Variants in SHC3 observed in about 807,000 individuals in gnomAD.
SHC3 encodes the protein SHC-transforming protein 3.
In SHC3, 15 loss-of-function variants were observed where a neutral mutation model predicts 60.4. The observed-to-expected ratio is 0.25, with a 90% CI of 0.17 to 0.38. SHC3 has a LOEUF of 0.38. Ranked by LOEUF, SHC3 falls within the 10% of genes least tolerant of loss-of-function variation. The pLI is 1.00. For missense variants in SHC3, 677 were observed against 786.1 expected, an observed-to-expected ratio of 0.86 and a Z score of 1.66; for synonymous variants, 294 against 325.9, an observed-to-expected ratio of 0.90 and a Z score of 1.05.
rs983797621 is a variant in SHC3, at chr9:89,108,540, T to C, written c.545+4016A>G. On this transcript the variant is annotated intron_variant, in intron 2 of 11. Coordinates refer to ENST00000375835, the MANE Select transcript of SHC3 (RefSeq NM_016848.6). ...CTGTCTCAAAAAAAATGCATATACA[T>C]ACACACACACACACACACACATACA... Among the ~76,000 whole-genome samples, 15 of 148,142 alleles carry C rather than the reference T, an allele frequency of 1.0e-4. No individual in the cohort carries two copies. The East Asian group carries it at 1.8e-3, about 18-fold the overall frequency.
In SHC3 at chr9:89,011,135, G is replaced by T. The variant is rs879392126; in HGVS notation, c.*2312C>A. 1.1e-4 allele frequency: 16 copies of T among 152,122 alleles called. No individual in the cohort carries two copies. Among genetic ancestry groups the T allele is most frequent in the Non-Finnish European group, 2.1e-4 (14 of 68,004 alleles). 9.4% of individuals were successfully genotyped at this position (152,122 alleles called of 1,614,324 possible). A position where few individuals can be genotyped will look rare whatever the true frequency, so the allele number is the denominator to read the frequency against. ...TTCTAGTGTAACCAATATATAATCT[G>T]AGCTTAAAAATGTATATTTTGAATT... is the stretch of plus-strand genomic sequence containing the variant. On this transcript the variant is annotated 3_prime_UTR_variant, in exon 12 of 12. Transcript: ENST00000375835.
chr9:89,114,084 T>C (rs1825988299), intron 1 of SHC3, among the ~76,000 whole-genome samples: 1 of 152,140 alleles, frequency 6.6e-6, no homozygotes, highest in South Asian at 2.1e-4. Context: ...ATACTACAAC[T>C]GACAACAGAG....
At chr9:89,031,113 C>T (rs953348559) in intron 11 of SHC3, among the ~76,000 whole-genome samples, 8 of 152,008 alleles carry the variant, frequency 5.3e-5, no homozygotes, top group African/African-American at 1.9e-4. Flanking sequence ...CTTGAACTCC[C>T]AGCCTCAAGT....
At chr9:89,072,589 G>A (rs1285295056) in intron 4 of SHC3, among the ~76,000 whole-genome samples, 9 of 152,132 alleles carry the variant, frequency 5.9e-5, no homozygotes, top group Admixed American at 1.3e-4. Flanking sequence ...AAACTGCAGC[G>A]TACAGTGGAA....
intron 1 of SHC3, among the ~76,000 whole-genome samples, chr9:89,143,860 T>C (rs1826430687): frequency 1.3e-5 from 2 of 152,234 alleles, no homozygotes; most frequent in African/African-American, 4.8e-5. Context: ...TCAAAACATA[T>C]ATCCCTCATT....
At chr9:89,039,041 A>G (rs1824631118) in intron 10 of SHC3, among the ~76,000 whole-genome samples, 2 of 152,254 alleles carry the variant, frequency 1.3e-5, no homozygotes, top group African/African-American at 4.8e-5. Flanking sequence ...ATGTCTAACT[A>G]AATCCCGATG....
At chr9:89,142,250 C>T (rs1046366067) in intron 1 of SHC3, among the ~76,000 whole-genome samples, 3 of 152,116 alleles carry the variant, frequency 2.0e-5, no homozygotes, top group African/African-American at 7.2e-5. Context: ...GTCGAGTTTC[C>T]TTGCCTTTTA....
At chr9:89,168,806 A>G (rs1426822211) in intron 1 of SHC3, among the ~76,000 whole-genome samples, 3 of 152,160 alleles carry the variant, frequency 2.0e-5, no homozygotes, top group Non-Finnish European at 4.4e-5. Context: ...GCCTTCCCCA[A>G]TTTGTGTGGC....
intron 1 of SHC3, among the ~76,000 whole-genome samples, chr9:89,141,324 C>T (rs1194612445): frequency 3.9e-5 from 6 of 152,140 alleles, no homozygotes; most frequent in East Asian, 1.9e-4. Context: ...TTCTATCCTA[C>T]GGTACCCTTC....
chr9:89,068,709 AT>A (rs937117986), intron 5 of SHC3, among the ~76,000 whole-genome samples: 1 of 151,894 alleles, frequency 6.6e-6, no homozygotes, highest in African/African-American at 2.4e-5. Context: ...GAAAAAAAAA[AT>A]GTATAGTCCT....
Position 89,045,757 on chromosome 9 carries a change from G to A in SHC3, c.1190C>T (p.Pro397Leu), listed in dbSNP as rs1310809998. The change falls in exon 9 of 12, where the codon CCT (proline) becomes CTT (leucine). Residue 397 changes from proline (P) to leucine (L), a missense_variant. Pro to Leu is a moderately conservative substitution (Grantham distance 98). Transcript: ENST00000375835. The stretch of plus-strand genomic sequence containing the variant: ...ACCTTGCCTCTCACCTTGCCTTAAA[G>A]GTGTTTGCTGCCAGTCTTCGCCAAA... ...DTFGEDWQQTPLRQGSSDIYS... is the reference protein window; with the variant it reads ...DTFGEDWQQTLLRQGSSDIYS... 1 of 1,614,062 alleles carries A rather than the reference G, an allele frequency of 6.2e-7. No homozygotes were observed. Among genetic ancestry groups the A allele is most frequent in the East Asian group, 2.2e-5 (1 of 44,884 alleles).
At chr9:89,142,628 A>T (rs1478569325) in intron 1 of SHC3, among the ~76,000 whole-genome samples, 1 of 149,270 alleles carries the variant, frequency 6.7e-6, no homozygotes, top group Non-Finnish European at 1.5e-5. Context: ...TTGCAGTGAG[A>T]TCGCACGACT....
Position 89,161,216 on chromosome 9 carries a change from G to A in SHC3, c.474+16771C>T, listed in dbSNP as rs116514717. Among the ~76,000 whole-genome samples the A allele has an allele frequency of 3.0e-3, 461 of 152,272 alleles. 4 individuals are homozygous for A. Among genetic ancestry groups the A allele is most frequent in the African/African-American group, 9.7e-3 (402 of 41,552 alleles). ...CATGGCAGCAGGTTTCTCATGAATG[G>A]TTTAGCACCACCCCCTTCATGCATC... is the stretch of plus-strand genomic sequence containing the variant. On this transcript the variant is annotated intron_variant, in intron 1 of 11. Transcript: ENST00000375835.
chr9:89,176,481 G>GGTCTATTT (rs1332789442), intron 1 of SHC3, among the ~76,000 whole-genome samples: 3 of 152,282 alleles, frequency 2.0e-5, no homozygotes, highest in Non-Finnish European at 4.4e-5. Context: ...GCTTTGCCAA[G>GGTCTATTT]GTCTATTTGT....
At chr9:89,146,590 G>A (rs1025712041) in intron 1 of SHC3, among the ~76,000 whole-genome samples, 2 of 152,206 alleles carry the variant, frequency 1.3e-5, no homozygotes, top group African/African-American at 2.4e-5. Context: ...CCTAGAAGGT[G>A]GGGTGAACAT....
intron 6 of SHC3, among the ~76,000 whole-genome samples, chr9:89,063,003 A>G (rs796348685): frequency 6.6e-6 from 1 of 152,226 alleles, no homozygotes; most frequent in African/African-American, 2.4e-5. Flanking sequence ...CCACACTGTC[A>G]TCCGGTAGGC....
In SHC3 at chr9:89,178,074, G is replaced by C; in HGVS notation, c.387C>G (p.Pro129=). ...PAMSAARKGR[P]GDEPLPRPPR... is the part of the protein sequence containing the mutation. Reference sequence around the variant, plus strand: ...GGGGCCTGGGCAGCGGCTCGTCGCCGGGCCGGCCCTTCCTGGCGGCGCTCA... The same window carrying C: ...GGGGCCTGGGCAGCGGCTCGTCGCCCGGCCGGCCCTTCCTGGCGGCGCTCA... The change falls in exon 1 of 12, where the codon CCC becomes CCG. Residue 129 remains proline (P), a synonymous_variant. Coordinates refer to ENST00000375835, the MANE Select transcript of SHC3 (RefSeq NM_016848.6). This position sits in a 1 kb window ranked among gnomAD's most constrained non-coding sequence, Gnocchi z 6.9. 1.7e-6 allele frequency: 2 copies of C among 1,201,114 alleles called. No homozygotes were observed. The highest frequency in any genetic ancestry group is 2.1e-6 in the Non-Finnish European group (2 of 968,650). The allele number at this position is 1,201,114 out of a possible 1,614,324, so 74.4% of individuals were successfully genotyped here. A position where few individuals can be genotyped will look rare whatever the true frequency, so the allele number is the denominator to read the frequency against.
chr9:89,057,621 C>T lies in SHC3; in HGVS notation c.836-5458G>A, dbSNP rs545748714. Among the ~76,000 whole-genome samples the T allele has an allele frequency of 1.1e-4, 16 of 151,518 alleles. No individual in the cohort carries two copies. The East Asian group carries it at 1.9e-3, about 18-fold the overall frequency. On this transcript the variant is annotated intron_variant, in intron 6 of 11. Transcript: ENST00000375835. The stretch of plus-strand genomic sequence containing the variant: ...TACATAGCCTAGGGAAATTCCTGGA[C>T]GAGAGCACAAAAAAAAACATATACA...
intron 11 of SHC3, among the ~76,000 whole-genome samples, chr9:89,035,854 T>TATATATATATATATA (rs1376173933): frequency 1.4e-5 from 1 of 73,852 alleles, no homozygotes; most frequent in Non-Finnish European, 3.0e-5. Flanking sequence ...TATATAGATG[T>TATATATATATATATA]GTGTGTGTGT....
Sources: gnomAD v4.1 joint callset for allele counts (sites outside exome capture counted in the v4.1 genomes callset) on GRCh38, gnomAD v4.1.1 for gene constraint, Gnocchi (gnomAD v3.1) non-coding constraint, MANE v1.5 for transcripts, NCBI Gene and HGNC (gene_info 2026-07-23, HGNC 2026-07-21) for gene names.